Variants in INPP4A observed in about 807,000 individuals in gnomAD.
INPP4A encodes inositol polyphosphate-4-phosphatase, type I, 107kD.
A neutral mutation model predicts 119.8 loss-of-function variants in INPP4A; 33 were observed. The observed-to-expected ratio is 0.28, with a 90% CI of 0.21 to 0.37. The LOEUF (loss-of-function observed/expected upper bound fraction) is 0.37. INPP4A is among the 10% of genes least tolerant of loss of function. The pLI is 1.00. For synonymous variants in INPP4A, 496 were observed against 500.7 expected (o/e 0.99, Z 0.12); for missense variants, 956 against 1,289.9 (o/e 0.74, Z 3.97).
intron 7 of INPP4A, 100 bp downstream of exon 7, chr2:98,536,308 C>A (rs1480271424): frequency 1.4e-6 from 1 of 737,498 alleles, no homozygotes; most frequent in African/African-American, 1.7e-5. Flanking sequence ...AGCACCCTTC[C>A]CTTCCCAGAA....
chr2:98,525,278 T>C (rs1473983679), intron 4 of INPP4A, among the ~76,000 whole-genome samples: 2 of 152,202 alleles, frequency 1.3e-5, no homozygotes, highest in Non-Finnish European at 2.9e-5. Context: ...CCTTCCATGC[T>C]TGGAATCTCT....
At chr2:98,518,636 T>C (rs932802256) in intron 1 of INPP4A, among the ~76,000 whole-genome samples, 1 of 152,228 alleles carries the variant, frequency 6.6e-6, no homozygotes, top group African/African-American at 2.4e-5. Context: ...GCCCTGCAGC[T>C]TCTCCCAGGG....
chr2:98,487,695 G>A (rs1679840300), intron 1 of INPP4A, among the ~76,000 whole-genome samples: 1 of 152,190 alleles, frequency 6.6e-6, no homozygotes, highest in South Asian at 2.1e-4. Context: ...CAGACTGGAT[G>A]GTCTTCCATA....
At chr2:98,473,326 A>C (rs113859627) in intron 1 of INPP4A, among the ~76,000 whole-genome samples, 1 of 125,072 alleles carries the variant, frequency 8.0e-6, no homozygotes, top group African/African-American at 3.1e-5. Flanking sequence ...GTGGAGAGTG[A>C]GGAGGGCAGT....
Position 98,566,216 on chromosome 2 carries a change from A to G in INPP4A, c.2420+47A>G. On this transcript the variant is annotated intron_variant, in intron 21 of 24. Coordinates refer to ENST00000409851, the MANE Select transcript of INPP4A (RefSeq NM_001134225.2). The surrounding 1 kb of genome is among the most constrained non-coding windows in gnomAD (Gnocchi z 4.2). Reference sequence around the variant, plus strand: ...CTGCGGGGGTGTGGTGGCCCTGGAGATGATGCAGAAAACGTACTTACCCCT... The same window carrying G: ...CTGCGGGGGTGTGGTGGCCCTGGAGGTGATGCAGAAAACGTACTTACCCCT... 1 of 1,524,604 alleles carries G rather than the reference A, an allele frequency of 6.6e-7. No individual in the cohort carries two copies. The highest frequency in any genetic ancestry group is 2.4e-5 in the East Asian group (1 of 41,942). 94.4% of individuals were successfully genotyped at this position (1,524,604 alleles called of 1,614,324 possible). A position where few individuals can be genotyped will look rare whatever the true frequency, so the allele number is the denominator to read the frequency against.
chr2:98,527,885 G>A (rs1173087813), intron 4 of INPP4A, among the ~76,000 whole-genome samples: 1 of 152,170 alleles, frequency 6.6e-6, no homozygotes, highest in Non-Finnish European at 1.5e-5. Context: ...CCACACAAAA[G>A]AGCAGCAACA....
rs2106584431 is a variant in INPP4A at position 98,593,098 on chromosome 2, A to G, written c.*5490A>G. On this transcript the variant is annotated 3_prime_UTR_variant, in exon 25 of 25. Transcript: ENST00000409851. ...ACAGGGTTCCCAGGGTGTAGCCTGA[A>G]AACACCCATACTCTAGATTCCCTCC... The G allele has an allele frequency of 6.6e-6, 1 of 152,358 alleles. No individual in the cohort carries two copies. Among genetic ancestry groups the G allele is most frequent in the East Asian group, 1.9e-4 (1 of 5,188 alleles). The allele number at this position is 152,358 out of a possible 1,614,324, so 9.4% of individuals were successfully genotyped here. A position where few individuals can be genotyped will look rare whatever the true frequency, so the allele number is the denominator to read the frequency against.
intron 19 of INPP4A, 63 bp from the exon 20 acceptor site, chr2:98,565,577 G>C (rs889914988): frequency 6.5e-7 from 1 of 1,535,810 alleles, no homozygotes; most frequent in Non-Finnish European, 8.8e-7. Context: ...GCTGCCTTCT[G>C]CTGAGACTGG....
At chr2:98,578,943 A>C (rs1351010099) in intron 24 of INPP4A, among the ~76,000 whole-genome samples, 1 of 152,250 alleles carries the variant, frequency 6.6e-6, no homozygotes, top group Admixed American at 6.5e-5. Context: ...CCAGTCCCTG[A>C]ATTACACAGA....
intron 1 of INPP4A, among the ~76,000 whole-genome samples, chr2:98,446,466 C>T (rs1301189076): frequency 6.6e-6 from 1 of 151,894 alleles, no homozygotes; most frequent in Non-Finnish European, 1.5e-5. Context: ...GTGATGCTGT[C>T]TGTCCCAGGG....
intron 10 of INPP4A, among the ~76,000 whole-genome samples, chr2:98,540,540 C>T (rs745706551): frequency 2.0e-5 from 3 of 152,224 alleles, no homozygotes; most frequent in Non-Finnish European, 4.4e-5. Context: ...AACAGAATGC[C>T]AGAGAATGAG....
chr2:98,477,003 A>G (rs1335214367), intron 1 of INPP4A, among the ~76,000 whole-genome samples: 1 of 152,158 alleles, frequency 6.6e-6, no homozygotes, highest in African/African-American at 2.4e-5. Flanking sequence ...TGATTGTCAG[A>G]TGGGCTTAGC....
chr2:98,449,345 T>C (rs113457778), intron 1 of INPP4A, among the ~76,000 whole-genome samples: 3 of 152,340 alleles, frequency 2.0e-5, no homozygotes, highest in Non-Finnish European at 4.4e-5. Flanking sequence ...TTCTCTATTA[T>C]TTACTTTTTG....
chr2:98,458,963 G>A (rs542803277), intron 1 of INPP4A, among the ~76,000 whole-genome samples: 1 of 152,314 alleles, frequency 6.6e-6, no homozygotes, highest in Non-Finnish European at 1.5e-5. Flanking sequence ...CCGTCAGGAT[G>A]GTAGCCACCA....
intron 1 of INPP4A, among the ~76,000 whole-genome samples, chr2:98,495,179 A>G (rs1217579818): frequency 1.3e-5 from 2 of 152,224 alleles, no homozygotes; most frequent in African/African-American, 4.8e-5. Context: ...AAGATATGCA[A>G]AGAAATAATG....
rs554150162 is a variant in INPP4A, at chr2:98,495,990, C to T, written c.-165-22974C>T. 3.3e-5 allele frequency among the ~76,000 whole-genome samples: 5 copies of T among 152,268 alleles called. No individual in the cohort carries two copies. The East Asian group carries it at 9.6e-4, about 29-fold the overall frequency. On this transcript the variant is annotated intron_variant, in intron 1 of 24. Coordinates refer to ENST00000409851, the MANE Select transcript of INPP4A (RefSeq NM_001134225.2). ...ATATTTTGATTTCTTTCAGGGCCTG[C>T]TATCTGTCATGTGATGCTATACTGG...
chr2:98,584,806 G>A (rs1699772038), intron 24 of INPP4A, among the ~76,000 whole-genome samples: 1 of 152,238 alleles, frequency 6.6e-6, no homozygotes, highest in African/African-American at 2.4e-5. Context: ...AAACTCAGTT[G>A]CTCTCCCTTT....
At chr2:98,584,718 C>T (rs964889304) in intron 24 of INPP4A, among the ~76,000 whole-genome samples, 2 of 152,266 alleles carry the variant, frequency 1.3e-5, no homozygotes, top group African/African-American at 4.8e-5. Flanking sequence ...ACTTGGAGAG[C>T]TAGCAAAAGG....
chr2:98,543,356 C>T (rs1329929821), intron 10 of INPP4A, among the ~76,000 whole-genome samples: 1 of 152,198 alleles, frequency 6.6e-6, no homozygotes, highest in African/African-American at 2.4e-5. Context: ...GGGCAGAAGG[C>T]CCATACCTCA....
Sources: allele counts gnomAD v4.1 joint callset (sites outside exome capture counted in the v4.1 genomes callset), GRCh38; gene constraint gnomAD v4.1.1; non-coding constraint Gnocchi (gnomAD v3.1); transcripts MANE v1.5; gene names NCBI Gene and HGNC (gene_info 2026-07-23, HGNC 2026-07-21).